The following GDAP1 variants were observed in gnomAD, a reference collection of about 807,000 sequenced individuals.
GDAP1 encodes ganglioside induced differentiation associated protein 1.
In GDAP1, 34 loss-of-function variants were observed where a neutral mutation model predicts 40.1. The ratio of observed to expected loss-of-function variants is 0.85; its 90% CI spans 0.64 to 1.13. GDAP1 has a LOEUF of 1.13. GDAP1 is among the 50% of genes most tolerant of loss of function. GDAP1 has a pLI of 0.00. For synonymous variants in GDAP1, 170 were observed against 157.4 expected (o/e 1.08, Z -0.60); for missense variants, 374 against 433.7 (o/e 0.86, Z 1.22).
chr8:74,467,573 G>A (rs567720911), intron 2 of GDAP1, among the ~76,000 whole-genome samples: 1 of 152,274 alleles, frequency 6.6e-6, no homozygotes, highest in African/African-American at 2.4e-5. Context: ...AGGGCCTGGA[G>A]GGTTCCAAGG....
chr8:74,391,644 C>A (rs1810111622), intron 2 of GDAP1, among the ~76,000 whole-genome samples: 1 of 151,906 alleles, frequency 6.6e-6, no homozygotes. Context: ...GCCAGCCACC[C>A]CCACATCTTT....
intron 2 of GDAP1, among the ~76,000 whole-genome samples, chr8:74,409,436 C>T (rs559101689): frequency 6.7e-6 from 1 of 149,864 alleles, no homozygotes; most frequent in Non-Finnish European, 1.5e-5. Flanking sequence ...ACTGCAACCT[C>T]TGCCTCCCAG....
chr8:74,488,277 G>T (rs1806800643), intron 2 of GDAP1, among the ~76,000 whole-genome samples: 2 of 152,128 alleles, frequency 1.3e-5, no homozygotes, highest in African/African-American at 4.8e-5. Context: ...TATTGGTAAA[G>T]AATATTTGCT....
At position 74,366,528 on chromosome 8, in the gene GDAP1, C is replaced by T. The variant is rs1051685335; in HGVS notation, c.*2161C>T. ...AAACACAGTATTAGCTAAATAGGCA[C>T]TTATGTGTATTTTCTTTTTCATGAT... is the stretch of plus-strand genomic sequence containing the variant. On this transcript the variant is annotated 3_prime_UTR_variant, in exon 6 of 6. Coordinates refer to ENST00000220822, the MANE Select transcript of GDAP1 (RefSeq NM_018972.4). The T allele has an allele frequency of 3.1e-5, 14 of 454,008 alleles. No individual in the cohort carries two copies. Among genetic ancestry groups the T allele is most frequent in the Non-Finnish European group, 6.2e-5 (14 of 226,708 alleles). The allele number at this position is 454,008 out of a possible 1,614,324, so 28.1% of individuals were successfully genotyped here.
intron 2 of GDAP1, among the ~76,000 whole-genome samples, chr8:74,484,388 A>G (rs1174339399): frequency 1.3e-5 from 2 of 152,168 alleles, no homozygotes; most frequent in Non-Finnish European, 2.9e-5. Flanking sequence ...ATATTATAGC[A>G]GACATTGCAT....
At chr8:74,403,964 T>C (rs1384667333) in intron 2 of GDAP1, among the ~76,000 whole-genome samples, 1 of 150,108 alleles carries the variant, frequency 6.7e-6, no homozygotes, top group East Asian at 1.9e-4. Context: ...TATGAGCCTG[T>C]AAAAAAGAAA....
intron 2 of GDAP1, among the ~76,000 whole-genome samples, chr8:74,401,769 A>G (rs1212170791): frequency 6.7e-6 from 1 of 149,952 alleles, no homozygotes; most frequent in Non-Finnish European, 1.5e-5. Context: ...TTTTCCTTCT[A>G]ACAGACAGGA....
chr8:74,448,812 A>T (rs1806263284), intron 2 of GDAP1, among the ~76,000 whole-genome samples: 1 of 152,044 alleles, frequency 6.6e-6, no homozygotes, highest in Non-Finnish European at 1.5e-5. Context: ...TTTTGGTCAG[A>T]TATATGCATT....
chr8:74,368,841 C>T (rs1168636122), downstream of GDAP1, among the ~76,000 whole-genome samples: 1 of 152,166 alleles, frequency 6.6e-6, no homozygotes, highest in Non-Finnish European at 1.5e-5. Context: ...TTACCAGCTT[C>T]CTTGGCCTCT....
At chr8:74,389,545 G>T (rs1457294675) in intron 2 of GDAP1, among the ~76,000 whole-genome samples, 1 of 152,146 alleles carries the variant, frequency 6.6e-6, no homozygotes, top group Non-Finnish European at 1.5e-5. Flanking sequence ...AGAGACATCT[G>T]CTGTTAGTCT....
downstream of GDAP1, among the ~76,000 whole-genome samples, chr8:74,370,160 G>A (rs1003086559): frequency 1.3e-5 from 2 of 152,082 alleles, no homozygotes; most frequent in African/African-American, 4.8e-5. Flanking sequence ...GCCAGGAATG[G>A]CAAATAATGG....
intron 2 of GDAP1, among the ~76,000 whole-genome samples, chr8:74,374,071 G>A (rs998510646): frequency 5.3e-5 from 8 of 152,120 alleles, no homozygotes; most frequent in South Asian, 2.1e-4. Flanking sequence ...ATTGATTGGC[G>A]TACGTTGAAC....
At chr8:74,405,149 C>T (rs1020392195) in intron 2 of GDAP1, among the ~76,000 whole-genome samples, 5 of 149,874 alleles carry the variant, frequency 3.3e-5, no homozygotes, top group Non-Finnish European at 5.9e-5. Context: ...AGCAAAAGGA[C>T]GTCATACATG....
chr8:74,374,682 C>T (rs549751990), intron 2 of GDAP1, among the ~76,000 whole-genome samples: 14 of 151,994 alleles, frequency 9.2e-5, no homozygotes, highest in African/African-American at 1.9e-4. Flanking sequence ...CTACATATCC[C>T]GCAGAGTTTA....
At chr8:74,361,795 C>G (rs1480305413) in intron 3 of GDAP1, 89 bp from the exon 4 acceptor site, 1 of 806,004 alleles carries the variant, frequency 1.2e-6, no homozygotes, top group African/African-American at 1.7e-5. Context: ...AGAGCTCATG[C>G]TCTTGTCATT....
intron 2 of GDAP1, among the ~76,000 whole-genome samples, chr8:74,407,823 C>G (rs889899080): frequency 1.4e-5 from 2 of 141,550 alleles, no homozygotes; most frequent in Non-Finnish European, 3.0e-5. Context: ...GGCCGCATTC[C>G]TGGTCAGAAC....
intron 2 of GDAP1, among the ~76,000 whole-genome samples, chr8:74,381,764 A>T (rs1294810045): frequency 1.0e-4 from 5 of 48,752 alleles, no homozygotes; most frequent in African/African-American, 4.6e-4. Context: ...TCAAATTAAA[A>T]AAAAAAAAAA....
rs10532467 is a variant in GDAP1 at position 74,351,708 on chromosome 8, CTT to C, written c.310+243_310+244del. 0.16 allele frequency among the ~76,000 whole-genome samples: 23,604 copies of C among 152,030 alleles called. 2,420 individuals are homozygous for C. The highest frequency in any genetic ancestry group is 0.3 in the Admixed American group (4,519 of 15,274). On this transcript the variant is annotated intron_variant, in intron 2 of 5. Transcript: ENST00000220822. Reference sequence around the variant, plus strand: ...CAAAATACAAATGTTAATGTTGAAACTTAAAAAAATTCACTTGCAAAAAACTG... The same window carrying C: ...CAAAATACAAATGTTAATGTTGAAACAAAAAAATTCACTTGCAAAAAACTG...
chr8:74,388,879 TATATTTAGC>T (rs1810065417), intron 2 of GDAP1, among the ~76,000 whole-genome samples: 1 of 152,226 alleles, frequency 6.6e-6, no homozygotes, highest in Non-Finnish European at 1.5e-5. Flanking sequence ...TGGGTGCATA[TATATTTAGC>T]ATATTTAGCT....
Sources: allele counts gnomAD v4.1 joint callset (sites outside exome capture counted in the v4.1 genomes callset), GRCh38; gene constraint gnomAD v4.1.1; transcripts MANE v1.5; gene names NCBI Gene and HGNC (gene_info 2026-07-23, HGNC 2026-07-21).